The following CNTNAP2 variants were observed in gnomAD, a reference collection of about 807,000 sequenced individuals.
CNTNAP2 encodes contactin associated protein 2.
Under a neutral mutation model 155.2 loss-of-function variants are expected in CNTNAP2, and 98 were observed. The ratio of observed to expected loss-of-function variants is 0.63; its 90% CI spans 0.54 to 0.75. The LOEUF (loss-of-function observed/expected upper bound fraction) is 0.75, where lower values mean the gene tolerates loss of function less well. Among genes scored for constraint, CNTNAP2 ranks in the 30% least tolerant of loss-of-function variants. The probability of loss-of-function intolerance (pLI) is 0.00; values close to 1 mark genes in which losing one functional copy is unlikely to be tolerated. For synonymous variants in CNTNAP2, 651 were observed against 631.2 expected (o/e 1.03, Z -0.47); for missense variants, 1,727 against 1,688.1 (o/e 1.02, Z -0.40).
At chr7:146,736,989 C>T (rs191847765) in intron 1 of CNTNAP2, among the ~76,000 whole-genome samples, 11 of 151,824 alleles carry the variant, frequency 7.2e-5, no homozygotes, top group South Asian at 4.2e-4. Context: ...AGCTTTTAGC[C>T]GTAAGTTTAC....
At chr7:148,412,337 G>A (rs1014143711) in intron 23 of CNTNAP2, among the ~76,000 whole-genome samples, 11 of 152,242 alleles carry the variant, frequency 7.2e-5, no homozygotes, top group African/African-American at 2.4e-4. Flanking sequence ...CACTTTGAGA[G>A]GCCAAGACAG....
chr7:147,749,929 A>G (rs1234106420), intron 13 of CNTNAP2, among the ~76,000 whole-genome samples: 1 of 152,244 alleles, frequency 6.6e-6, no homozygotes, highest in Admixed American at 6.5e-5. Flanking sequence ...TTGATCAAAT[A>G]CACACAAATA....
chr7:147,782,893 A>T (rs1797680240), intron 13 of CNTNAP2, among the ~76,000 whole-genome samples: 1 of 152,232 alleles, frequency 6.6e-6, no homozygotes. Flanking sequence ...AATCAAGAAA[A>T]TGATGCATAA....
intron 1 of CNTNAP2, among the ~76,000 whole-genome samples, chr7:146,457,411 A>G (rs1796569803): frequency 6.8e-6 from 1 of 147,346 alleles, no homozygotes; most frequent in Non-Finnish European, 1.5e-5. Flanking sequence ...TCAAAAAATG[A>G]TTATATATTC....
At chr7:148,337,187 T>C (rs1458976898) in intron 21 of CNTNAP2, among the ~76,000 whole-genome samples, 1 of 151,838 alleles carries the variant, frequency 6.6e-6, no homozygotes, top group East Asian at 1.9e-4. Context: ...GACACCCCAC[T>C]AAAGCTGAGG....
intron 1 of CNTNAP2, among the ~76,000 whole-genome samples, chr7:146,725,591 A>G (rs568688002): frequency 9.2e-5 from 14 of 152,192 alleles, no homozygotes; most frequent in Non-Finnish European, 1.6e-4. Flanking sequence ...AAAGGTCACA[A>G]GATACACAAC....
chr7:148,105,623 T>G lies in CNTNAP2; in HGVS notation c.2384-12495T>G, dbSNP rs575789426. ...ATTTTTTTGTGATGGAGTCTTGCTC[T>G]GTTGCCCAGGCTGGAGCGCAATGGC... On this transcript the variant is annotated intron_variant, in intron 15 of 23. Coordinates refer to ENST00000361727, the MANE Select transcript of CNTNAP2 (RefSeq NM_014141.6). Among the ~76,000 whole-genome samples the G allele has an allele frequency of 7.2e-5, 11 of 152,230 alleles. No individual in the cohort carries two copies. The South Asian group carries it at 2.3e-3, about 32-fold the overall frequency.
At chr7:147,536,983 T>A (rs551382308) in intron 11 of CNTNAP2, among the ~76,000 whole-genome samples, 33 of 152,344 alleles carry the variant, frequency 2.2e-4, no homozygotes, top group South Asian at 6.2e-4. Flanking sequence ...TTCTCTTCCC[T>A]ATCTTTCTAA....
At chr7:146,507,969 C>T (rs1430658746) in intron 1 of CNTNAP2, among the ~76,000 whole-genome samples, 1 of 152,168 alleles carries the variant, frequency 6.6e-6, no homozygotes, top group African/African-American at 2.4e-5. Context: ...CACAGTGGTA[C>T]TGTCCCAATT....
At chr7:146,383,801 T>A (rs553260584) in intron 1 of CNTNAP2, among the ~76,000 whole-genome samples, 2 of 152,338 alleles carry the variant, frequency 1.3e-5, no homozygotes, top group South Asian at 4.1e-4. Flanking sequence ...TTCATTTGGA[T>A]GTTAACTATC....
intron 19 of CNTNAP2, among the ~76,000 whole-genome samples, chr7:148,220,617 T>TA (rs1355309000): frequency 7.9e-6 from 1 of 126,098 alleles, no homozygotes; most frequent in Non-Finnish European, 1.7e-5. Context: ...ATTAGCTCCA[T>TA]AAAAAATATA....
chr7:146,410,163 C>T (rs1410394216), intron 1 of CNTNAP2, among the ~76,000 whole-genome samples: 2 of 152,122 alleles, frequency 1.3e-5, no homozygotes, highest in South Asian at 2.1e-4. Context: ...TGTCTCATCA[C>T]GAATGCCATT....
chr7:147,112,536 T>C lies in CNTNAP2; in HGVS notation c.754+4186T>C, dbSNP rs191939396. 4.6e-5 allele frequency among the ~76,000 whole-genome samples: 7 copies of C among 152,310 alleles called. No individual in the cohort carries two copies. The East Asian group carries it at 1.4e-3, about 29-fold the overall frequency. On this transcript the variant is annotated intron_variant, in intron 5 of 23. Transcript: ENST00000361727. ...ATAGATGGCTCTTACTATTTTGAGGTATGTTCCTTCAAAACCTAGTTAACT... is the reference window on the plus strand; with the variant it reads ...ATAGATGGCTCTTACTATTTTGAGGCATGTTCCTTCAAAACCTAGTTAACT...
intron 9 of CNTNAP2, among the ~76,000 whole-genome samples, chr7:147,391,267 C>A (rs2116444278): frequency 6.6e-6 from 1 of 152,276 alleles, no homozygotes; most frequent in East Asian, 1.9e-4. Flanking sequence ...GCTGGTCATT[C>A]TTGATTAGAA....
chr7:148,256,602 T>C (rs1796458352), intron 20 of CNTNAP2, among the ~76,000 whole-genome samples: 3 of 152,102 alleles, frequency 2.0e-5, no homozygotes, highest in Non-Finnish European at 4.4e-5. Flanking sequence ...AAACACATAC[T>C]GAAACCAGCC....
At chr7:147,254,461 C>T (rs1293997396) in intron 8 of CNTNAP2, among the ~76,000 whole-genome samples, 1 of 151,862 alleles carries the variant, frequency 6.6e-6, no homozygotes, top group Non-Finnish European at 1.5e-5. Flanking sequence ...CCATTTTGAA[C>T]TAAAGAAGTT....
At position 146,780,575 on chromosome 7, in the gene CNTNAP2, G is replaced by C. The variant is rs10253507; in HGVS notation, c.208+6194G>C. ...TTGATTTGCATTTCTCTAATGACCA[G>C]TGATGATGAGCTTTTTTTTAACATG... On this transcript the variant is annotated intron_variant, in intron 2 of 23. Transcript: ENST00000361727. Among the ~76,000 whole-genome samples, 889 of 152,174 alleles carry C rather than the reference G, an allele frequency of 5.8e-3. 5 individuals are homozygous for C. The highest frequency in any genetic ancestry group is 0.02 in the African/African-American group (831 of 41,550).
chr7:146,756,225 A>G (rs11769694), intron 1 of CNTNAP2, among the ~76,000 whole-genome samples: 6,492 of 152,056 alleles, frequency 0.043, 384 homozygotes, highest in African/African-American at 0.14. Context: ...AGATGAATTT[A>G]TGATAAAAAC....
intron 3 of CNTNAP2, among the ~76,000 whole-genome samples, chr7:147,006,628 A>C (rs1798530301): frequency 1.3e-5 from 2 of 152,056 alleles, no homozygotes; most frequent in East Asian, 1.9e-4. Flanking sequence ...AATTAAATTT[A>C]TTTTCTCTAA....
Sources: allele counts gnomAD v4.1 joint callset (sites outside exome capture counted in the v4.1 genomes callset), GRCh38; gene constraint gnomAD v4.1.1; transcripts MANE v1.5; gene names NCBI Gene and HGNC (gene_info 2026-07-23, HGNC 2026-07-21).